Variants in DENND2A observed in about 807,000 individuals in gnomAD.
DENND2A encodes DENN domain containing 2A, also known as DENN domain-containing protein 2A.
Under a neutral mutation model 105.3 loss-of-function variants are expected in DENND2A, and 53 were observed. The observed-to-expected ratio is 0.50, with a 90% confidence interval of 0.40 to 0.63. The LOEUF (loss-of-function observed/expected upper bound fraction) is 0.63. DENND2A is among the 30% of genes least tolerant of loss of function. The pLI is 0.00. For synonymous variants in DENND2A, 522 were observed against 508.4 expected, an observed-to-expected ratio of 1.03 and a Z score of -0.36; for missense variants, 1,138 against 1,279.6, an observed-to-expected ratio of 0.89 and a Z score of 1.69.
At position 140,585,640 on chromosome 7, in the gene DENND2A, G is replaced by A; in HGVS notation, c.1194C>T (p.Val398=). 6.2e-7 allele frequency: 1 copy of A among 1,614,144 alleles called. No homozygotes were observed. Among genetic ancestry groups the A allele is most frequent in the Non-Finnish European group, 8.5e-7 (1 of 1,180,032 alleles). The stretch of plus-strand genomic sequence containing the variant: ...AGGTGGGAGAAGCAGGAAAATTCAA[G>A]ACACACTTCTTTCCCAGGCAGCGAC... ...LHGRCLGKKC[V]LNFPASPTSS... Residue 398 remains valine (V), a synonymous_variant, in exon 5 of 20, where the codon GTC becomes GTT. Transcript: ENST00000496613.
At chr7:140,519,361 G>C (rs1795770999) in intron 19 of DENND2A, among the ~76,000 whole-genome samples, 1 of 152,200 alleles carries the variant, frequency 6.6e-6, no homozygotes, top group Admixed American at 6.5e-5. Context: ...CAGTTCCTCT[G>C]AGATTTAACA....
chr7:140,615,353 G>A (rs531000335), intron 1 of DENND2A, among the ~76,000 whole-genome samples: 43 of 152,260 alleles, frequency 2.8e-4, no homozygotes, highest in African/African-American at 4.6e-4. Context: ...GAACAACACC[G>A]GGGGACATAT....
intron 3 of DENND2A, among the ~76,000 whole-genome samples, chr7:140,589,391 G>T (rs1209910361): frequency 6.6e-6 from 1 of 152,150 alleles, no homozygotes; most frequent in African/African-American, 2.4e-5. Flanking sequence ...TTTCCCTCAA[G>T]TAGTAAGTAA....
At chr7:140,600,382 G>T (rs1180016841) in intron 3 of DENND2A, among the ~76,000 whole-genome samples, 1 of 150,542 alleles carries the variant, frequency 6.6e-6, no homozygotes, top group Non-Finnish European at 1.5e-5. Flanking sequence ...GAGAAGAAAA[G>T]TCTCAGGTCT....
intron 3 of DENND2A, among the ~76,000 whole-genome samples, chr7:140,598,975 A>G (rs1398546128): frequency 6.6e-6 from 1 of 152,172 alleles, no homozygotes; most frequent in Non-Finnish European, 1.5e-5. Context: ...ATATATAGGA[A>G]GTCCAAGAGG....
intron 9 of DENND2A, among the ~76,000 whole-genome samples, chr7:140,561,246 C>T (rs185431310): frequency 1.5e-3 from 231 of 152,176 alleles, no homozygotes; most frequent in Non-Finnish European, 2.3e-3. Context: ...AATTATTTAT[C>T]TCATTATTAT....
At chr7:140,534,869 C>T (rs1321333347) in intron 14 of DENND2A, among the ~76,000 whole-genome samples, 1 of 152,110 alleles carries the variant, frequency 6.6e-6, no homozygotes, top group Non-Finnish European at 1.5e-5. Flanking sequence ...AAGAGAAGGC[C>T]CCAGTGGGAG....
At chr7:140,630,759 G>T (rs1800708202) in intron 1 of DENND2A, among the ~76,000 whole-genome samples, 1 of 152,202 alleles carries the variant, frequency 6.6e-6, no homozygotes, top group Non-Finnish European at 1.5e-5. Context: ...TACTCGGGAG[G>T]CTGAGGAAGG....
At chr7:140,634,290 G>A (rs551813596) in intron 1 of DENND2A, among the ~76,000 whole-genome samples, 1 of 152,202 alleles carries the variant, frequency 6.6e-6, no homozygotes, top group South Asian at 2.1e-4. Context: ...GAGCCACCGC[G>A]CCCGGCCTAA....
At chr7:140,569,520 G>A (rs554340074) in intron 7 of DENND2A, 125 bp downstream of exon 7, 1 of 747,868 alleles carries the variant, frequency 1.3e-6, no homozygotes, top group African/African-American at 1.7e-5. Flanking sequence ...GACAGTGCGG[G>A]ACATTTACAA....
intron 11 of DENND2A, 143 bp downstream of exon 11, chr7:140,558,000 A>T (rs199771461): frequency 3.8e-5 from 24 of 632,644 alleles, no homozygotes; most frequent in African/African-American, 2.0e-4. Context: ...ATGCTGATTC[A>T]CCTGCCACTC....
chr7:140,565,417 G>A (rs1445923777), intron 9 of DENND2A, among the ~76,000 whole-genome samples: 1 of 152,066 alleles, frequency 6.6e-6, no homozygotes, highest in Non-Finnish European at 1.5e-5. Flanking sequence ...GTTTATCACT[G>A]TAATCCCCTA....
At chr7:140,608,766 C>T (rs1441899920) in intron 1 of DENND2A, among the ~76,000 whole-genome samples, 1 of 151,912 alleles carries the variant, frequency 6.6e-6, no homozygotes, top group Non-Finnish European at 1.5e-5. Context: ...CCATGATAAA[C>T]TTCATTATCA....
intron 14 of DENND2A, among the ~76,000 whole-genome samples, chr7:140,536,807 C>T (rs543169082): frequency 5.9e-5 from 9 of 152,198 alleles, no homozygotes; most frequent in East Asian, 3.9e-4. Context: ...GGATTACAGG[C>T]GCCTGCCATC....
At chr7:140,577,037 G>A (rs897096710) in intron 5 of DENND2A, among the ~76,000 whole-genome samples, 2 of 152,224 alleles carry the variant, frequency 1.3e-5, no homozygotes, top group Admixed American at 6.5e-5. Context: ...TCTGAAGAAT[G>A]TGTGGGCTGC....
chr7:140,547,099 T>C (rs1796939568), intron 12 of DENND2A, among the ~76,000 whole-genome samples, 160 bp from the exon 13 acceptor site: 1 of 152,190 alleles, frequency 6.6e-6, no homozygotes, highest in Non-Finnish European at 1.5e-5. Flanking sequence ...TACACATGAT[T>C]GTCCCCAATT....
intron 1 of DENND2A, among the ~76,000 whole-genome samples, chr7:140,630,264 C>T (rs1045549312): frequency 2.2e-4 from 33 of 152,156 alleles, no homozygotes; most frequent in African/African-American, 7.7e-4. Flanking sequence ...GCATGTACCA[C>T]CATGGCTGGC....
chr7:140,530,554 C>A (rs1440313474), intron 14 of DENND2A, among the ~76,000 whole-genome samples: 3 of 151,732 alleles, frequency 2.0e-5, no homozygotes, highest in African/African-American at 7.3e-5. Context: ...AAAACGCTAC[C>A]CCAAGATTTC....
intron 1 of DENND2A, among the ~76,000 whole-genome samples, chr7:140,623,315 CA>C (rs11321461): frequency 0.18 from 13,358 of 74,878 alleles, 857 homozygotes; most frequent in East Asian, 0.33. Flanking sequence ...GCTCTATCTC[CA>C]AAAAAAAAAA....
Sources: allele counts gnomAD v4.1 joint callset (sites outside exome capture counted in the v4.1 genomes callset), GRCh38; gene constraint gnomAD v4.1.1; transcripts MANE v1.5; gene names NCBI Gene and HGNC (gene_info 2026-07-23, HGNC 2026-07-21).